CNTN5: variants seen among roughly 807,000 people sequenced by gnomAD.
CNTN5 encodes the protein contactin 5.
CNTN5 carries 77 observed loss-of-function variants against 129.1 expected under a neutral mutation model. The ratio of observed to expected loss-of-function variants is 0.60; its 90% CI spans 0.50 to 0.72. The LOEUF (loss-of-function observed/expected upper bound fraction) is 0.72, where lower values mean the gene tolerates loss of function less well. Among genes scored for constraint, CNTN5 ranks in the 30% least tolerant of loss-of-function variants. CNTN5 has a pLI of 0.00. For synonymous variants in CNTN5, 509 were observed against 465.6 expected (o/e 1.09, Z -1.20); for missense variants, 1,478 against 1,328.8 (o/e 1.11, Z -1.75).
At chr11:99,727,985 C>T (rs923384098) in intron 3 of CNTN5, among the ~76,000 whole-genome samples, 13 of 152,078 alleles carry the variant, frequency 8.5e-5, no homozygotes, top group African/African-American at 2.9e-4. Flanking sequence ...GATTACTTAA[C>T]CACTATGGTA....
intron 1 of CNTN5, among the ~76,000 whole-genome samples, chr11:99,244,572 G>A (rs1488632529): frequency 6.6e-6 from 1 of 152,004 alleles, no homozygotes; most frequent in African/African-American, 2.4e-5. Context: ...AGTTTAATCT[G>A]TTGTTGACTT....
At chr11:99,630,255 TATATATATATATATGTATATAC>T (rs1951292030) in intron 3 of CNTN5, among the ~76,000 whole-genome samples, 1 of 3,518 alleles carries the variant, frequency 2.8e-4, no homozygotes, top group Non-Finnish European at 0.029. Flanking sequence ...TACATATATA[TATATATATATATATGTATATAC>T]ACATAATATG....
At chr11:99,858,771 A>G (rs1948119421) in intron 6 of CNTN5, among the ~76,000 whole-genome samples, 3 of 151,836 alleles carry the variant, frequency 2.0e-5, no homozygotes, top group Admixed American at 2.0e-4. Flanking sequence ...AATAGAAGCT[A>G]CAATAAAATA....
At chr11:99,521,337 G>C (rs1324495491) in intron 2 of CNTN5, among the ~76,000 whole-genome samples, 1 of 152,086 alleles carries the variant, frequency 6.6e-6, no homozygotes, top group African/African-American at 2.4e-5. Context: ...CTGAGATCAA[G>C]TATCTAGGTG....
At chr11:99,031,207 T>C (rs1352549222) in intron 1 of CNTN5, among the ~76,000 whole-genome samples, 2 of 152,160 alleles carry the variant, frequency 1.3e-5, no homozygotes, top group African/African-American at 4.8e-5. Context: ...TTTTACAATT[T>C]TTTTTCCAAA....
At chr11:100,195,600 GA>G (rs1208600004) in intron 15 of CNTN5, among the ~76,000 whole-genome samples, 32 of 146,496 alleles carry the variant, frequency 2.2e-4, no homozygotes, top group African/African-American at 7.4e-4. Flanking sequence ...CTCTGAGATA[GA>G]AGAAGAAAGC....
In CNTN5 at chr11:99,446,274, T is replaced by A. The variant is rs146808877; in HGVS notation, c.-70-109871T>A. On this transcript the variant is annotated intron_variant, in intron 2 of 24. Transcript: ENST00000524871. ...GACATTTTTGAAGCCTTGGTGCACA[T>A]TATTTTCTTTCTGTGACATTTTATC... Among the ~76,000 whole-genome samples, 495 of 152,258 alleles carry A rather than the reference T, an allele frequency of 3.3e-3. 3 individuals carry two copies. Among genetic ancestry groups the A allele is most frequent in the African/African-American group, 0.011 (469 of 41,546 alleles).
intron 3 of CNTN5, among the ~76,000 whole-genome samples, chr11:99,777,688 A>G (rs954156200): frequency 1.3e-5 from 2 of 151,774 alleles, no homozygotes; most frequent in Admixed American, 6.6e-5. Context: ...TCAAATTCCT[A>G]TTTTTTGAGT....
chr11:99,703,592 A>C (rs1019774110), intron 3 of CNTN5, among the ~76,000 whole-genome samples: 6 of 150,964 alleles, frequency 4.0e-5, no homozygotes, highest in African/African-American at 1.4e-4. Context: ...GTAAATCCGA[A>C]AGTTTAAGAA....
At chr11:99,258,793 A>C (rs2135816528) in intron 1 of CNTN5, among the ~76,000 whole-genome samples, 1 of 152,062 alleles carries the variant, frequency 6.6e-6, no homozygotes, top group African/African-American at 2.4e-5. Context: ...TTCACTGTCT[A>C]TTTAGTCAGT....
intron 21 of CNTN5, among the ~76,000 whole-genome samples, chr11:100,315,951 C>A (rs1166948703): frequency 1.3e-5 from 2 of 152,120 alleles, no homozygotes; most frequent in East Asian, 1.9e-4. Flanking sequence ...AACTTTGATT[C>A]ATGAATAACC....
chr11:99,093,100 A>G (rs1866320937), intron 1 of CNTN5, among the ~76,000 whole-genome samples: 5 of 152,084 alleles, frequency 3.3e-5, no homozygotes. Flanking sequence ...GAGAGAGCAC[A>G]TATAGGAGGG....
At chr11:99,915,312 C>G (rs1312219486) in intron 6 of CNTN5, among the ~76,000 whole-genome samples, 2 of 152,036 alleles carry the variant, frequency 1.3e-5, no homozygotes, top group South Asian at 2.1e-4. Flanking sequence ...ACATCATTCC[C>G]TTTTGGACCA....
intron 1 of CNTN5, among the ~76,000 whole-genome samples, chr11:99,289,558 A>G (rs574704738): frequency 3.3e-5 from 5 of 151,700 alleles, no homozygotes; most frequent in Admixed American, 6.6e-5. Context: ...CTGATGTTTG[A>G]AATATTCTTG....
At chr11:99,281,744 TTA>T (rs1454473906) in intron 1 of CNTN5, among the ~76,000 whole-genome samples, 1 of 152,036 alleles carries the variant, frequency 6.6e-6, no homozygotes, top group Admixed American at 6.6e-5. Context: ...TGAGTACAGT[TTA>T]TATGTTTTGT....
intron 18 of CNTN5, among the ~76,000 whole-genome samples, chr11:100,282,003 T>C (rs1950650480): frequency 6.6e-6 from 1 of 151,708 alleles, no homozygotes; most frequent in South Asian, 2.1e-4. Context: ...TCTATTTTTT[T>C]TTTTTTTTTT....
chr11:100,056,126 TTATTTTTAATCTGAA>T (rs1212724328), intron 9 of CNTN5, among the ~76,000 whole-genome samples: 1 of 151,714 alleles, frequency 6.6e-6, no homozygotes, highest in Non-Finnish European at 1.5e-5. Context: ...AATGTCTATT[TTATTTTTAATCTGAA>T]TATTTACTTT....
intron 2 of CNTN5, among the ~76,000 whole-genome samples, chr11:99,463,545 A>G (rs960697165): frequency 6.6e-6 from 1 of 151,966 alleles, no homozygotes; most frequent in Non-Finnish European, 1.5e-5. Flanking sequence ...CCAAGCTAGT[A>G]CTGTATAATG....
At chr11:100,043,694 A>G (rs777234520) in intron 9 of CNTN5, among the ~76,000 whole-genome samples, 14 of 151,974 alleles carry the variant, frequency 9.2e-5, no homozygotes, top group Non-Finnish European at 1.8e-4. Flanking sequence ...TCCTGCAAAA[A>G]TTGCCTTCAT....
Sources: gnomAD v4.1 joint callset for allele counts (sites outside exome capture counted in the v4.1 genomes callset) on GRCh38, gnomAD v4.1.1 for gene constraint, MANE v1.5 for transcripts, NCBI Gene and HGNC (gene_info 2026-07-23, HGNC 2026-07-21) for gene names.